The following NOA1 variants were observed in gnomAD, a reference collection of about 807,000 sequenced individuals.
NOA1 encodes nitric oxide-associated protein 1.
A neutral mutation model predicts 58.4 loss-of-function variants in NOA1; 35 were observed. The ratio of observed to expected loss-of-function variants is 0.60; its 90% CI spans 0.46 to 0.79. The LOEUF (loss-of-function observed/expected upper bound fraction) is 0.79, where lower values mean the gene tolerates loss of function less well. NOA1 is among the 30% of genes least tolerant of loss of function. The pLI, the probability that NOA1 is intolerant of heterozygous loss-of-function variation, is 0.00. For missense variants in NOA1, 895 were observed against 894.6 expected (o/e 1.00, Z -0.01); for synonymous variants, 397 against 373.4 (o/e 1.06, Z -0.73).
chr4:56,970,162 G>A (rs1026199909), intron 3 of NOA1, among the ~76,000 whole-genome samples: 2 of 151,922 alleles, frequency 1.3e-5, no homozygotes, highest in Non-Finnish European at 2.9e-5. Context: ...TAGCTGGGGT[G>A]GCGTGTGTCT....
intron 6 of NOA1, among the ~76,000 whole-genome samples, chr4:56,964,156 C>T (rs543884249): frequency 1.3e-5 from 2 of 151,644 alleles, no homozygotes; most frequent in African/African-American, 4.8e-5. Flanking sequence ...CAACCTCCGC[C>T]TCCTGGGTTC....
chr4:56,972,227 G>A (rs900091890), intron 3 of NOA1, among the ~76,000 whole-genome samples: 4 of 152,172 alleles, frequency 2.6e-5, no homozygotes, highest in African/African-American at 9.7e-5. Context: ...TGAGAGCACT[G>A]AGTTCTCAGT....
chr4:56,969,170 TA>T (rs1418165245), intron 3 of NOA1, among the ~76,000 whole-genome samples: 1 of 151,776 alleles, frequency 6.6e-6, no homozygotes, highest in African/African-American at 2.4e-5. Context: ...TAGAGAAAAA[TA>T]GAAAAGGAAA....
At chr4:56,973,518 A>C (rs1721846467) in intron 2 of NOA1, among the ~76,000 whole-genome samples, 165 bp from the exon 3 acceptor site, 1 of 151,882 alleles carries the variant, frequency 6.6e-6, no homozygotes, top group African/African-American at 2.4e-5. Flanking sequence ...GTGGGAGTCA[A>C]CTCTTGCAAT....
Position 56,963,582 on chromosome 4 carries a change from GA to G in NOA1, c.1964del (p.Val655AlafsTer35), listed in dbSNP as rs1260045101. On this transcript the variant is annotated frameshift_variant, in exon 7 of 7. Transcript: ENST00000264230. LOFTEE classifies it high-confidence loss of function. The part of the protein sequence containing the change: ...GYTPEGTVLT[V>X]RPPLLPYIVN... ...CAATATATGGCAAGAGAGGGGGCCG[GA>G]CGGTCAAAACTGTTCCTTCAGGTGT... 6.2e-7 allele frequency: 1 copy of G among 1,614,040 alleles called. No individual in the cohort carries two copies. Among genetic ancestry groups the G allele is most frequent in the East Asian group, 2.2e-5 (1 of 44,886 alleles).
chr4:56,977,160 CGAGCAGTT>C lies in NOA1; in HGVS notation c.418_425del (p.Asn140GlyfsTer214). The C allele has an allele frequency of 6.4e-7, 1 of 1,557,398 alleles. No individual in the cohort carries two copies. Among genetic ancestry groups the C allele is most frequent in the Non-Finnish European group, 8.7e-7 (1 of 1,155,444 alleles). ...GGCAGTGCAGCTCTGCCCCACAGCC[CGAGCAGTT>C]CACGCCGCTGGGCGGCAATGCCGGG... On this transcript the variant is annotated frameshift_variant, in exon 1 of 7. Transcript: ENST00000264230. LOFTEE classifies it high-confidence loss of function.
chr4:56,975,390 GGAGGAC>G (rs1721884411), intron 1 of NOA1, among the ~76,000 whole-genome samples: 3 of 151,954 alleles, frequency 2.0e-5, no homozygotes. Flanking sequence ...CAGCACTTTG[GGAGGAC>G]GAGGTGGGCA....
At chr4:56,967,453 G>A (rs547408028) in intron 4 of NOA1, among the ~76,000 whole-genome samples, 1 of 150,750 alleles carries the variant, frequency 6.6e-6, no homozygotes, top group African/African-American at 2.4e-5. Context: ...CTCCCAAAAC[G>A]AAATATATAA....
intron 4 of NOA1, 86 bp from the exon 5 acceptor site, chr4:56,966,822 A>C: frequency 1.2e-6 from 1 of 855,500 alleles, no homozygotes; most frequent in Non-Finnish European, 1.9e-6. Context: ...AAAAAAACAA[A>C]CCAAAAAACA....
At chr4:56,976,257 C>T (rs1319495394) in intron 1 of NOA1, among the ~76,000 whole-genome samples, 185 bp downstream of exon 1, 1 of 152,178 alleles carries the variant, frequency 6.6e-6, no homozygotes, top group Non-Finnish European at 1.5e-5. Context: ...ACAACACATC[C>T]TCAATTTTCC....
rs1721973738 is a variant in NOA1 at position 56,977,453 on chromosome 4, A to G, written c.133T>C (p.Ser45Pro). The part of the protein sequence containing the change: ...RCAAASSFQH[S>P]SSLGRELPYD... ...GGAAGCTCGCGTCCCAGACTCGATGAGTGCTGGAAGGAGGAGGCGGCAGCG... is the reference window on the plus strand; with the variant it reads ...GGAAGCTCGCGTCCCAGACTCGATGGGTGCTGGAAGGAGGAGGCGGCAGCG... The change falls in exon 1 of 7, where the codon TCA becomes CCA. Residue 45 changes from serine (S) to proline (P), a missense_variant. Coordinates refer to ENST00000264230, the MANE Select transcript of NOA1 (RefSeq NM_032313.4). 2.5e-6 allele frequency: 4 copies of G among 1,614,124 alleles called. No individual in the cohort carries two copies. The highest frequency in any genetic ancestry group is 3.4e-6 in the Non-Finnish European group (4 of 1,180,020).
intron 3 of NOA1, among the ~76,000 whole-genome samples, chr4:56,971,652 AT>A (rs1383743839): frequency 6.6e-6 from 1 of 152,210 alleles, no homozygotes; most frequent in Non-Finnish European, 1.5e-5. Context: ...GAAGGAAATG[AT>A]TAATGAATCT....
chr4:56,971,750 T>C (rs1560464708), intron 3 of NOA1, among the ~76,000 whole-genome samples: 2 of 152,032 alleles, frequency 1.3e-5, no homozygotes, highest in South Asian at 2.1e-4. Context: ...AGTAATGAGA[T>C]TGAATGAATA....
At chr4:56,966,790 A>G in intron 4 of NOA1, 54 bp from the exon 5 acceptor site, 1 of 1,113,260 alleles carries the variant, frequency 9.0e-7, no homozygotes, top group Non-Finnish European at 1.4e-6. Context: ...AAACCTGCAT[A>G]TTCAAGGTAC....
Position 56,977,049 on chromosome 4 carries a change from GCACACGGTCCGTGC to G in NOA1, c.523_536del (p.Ala175ProfsTer177), listed in dbSNP as rs1560466333. 4 of 1,583,740 alleles carry G rather than the reference GCACACGGTCCGTGC, an allele frequency of 2.5e-6. No individual in the cohort carries two copies. In the Admixed American group the frequency reaches 6.9e-5, roughly 27 times the overall value. On this transcript the variant is annotated frameshift_variant, in exon 1 of 7. Coordinates refer to ENST00000264230, the MANE Select transcript of NOA1 (RefSeq NM_032313.4). LOFTEE classifies it high-confidence loss of function. Reference sequence around the variant, plus strand: ...GGTGCGACAGCAGCCAGCAGCGCTGGCACACGGTCCGTGCCAGCCCGCCGTCTGCCTCCGCCGTG... The same window carrying G: ...GGTGCGACAGCAGCCAGCAGCGCTGGCAGCCCGCCGTCTGCCTCCGCCGTG...
Position 56,977,479 on chromosome 4 carries a change from C to T in NOA1, c.107G>A (p.Cys36Tyr). 2 of 1,613,924 alleles carry T rather than the reference C, an allele frequency of 1.2e-6. No individual in the cohort carries two copies. The highest frequency in any genetic ancestry group is 1.7e-6 in the Non-Finnish European group (2 of 1,180,032). ...GLREPLLERR[C>Y]AAASSFQHSS... is the part of the protein sequence containing the mutation. ...GTGCTGGAAGGAGGAGGCGGCAGCG[C>T]ACCTCCTCTCCAGGAGCGGCTCCCG... Residue 36 changes from cysteine (C) to tyrosine (Y), a missense_variant, in exon 1 of 7, where the codon TGC becomes TAC. By Grantham distance (194) the Cys-to-Tyr change is radical. This residue lies in a region of NOA1 where 680 missense variants were observed against 656.5 expected (regional missense o/e 1.04). Transcript: ENST00000264230.
At position 56,976,900 on chromosome 4, in the gene NOA1, G is replaced by A; in HGVS notation, c.686C>T (p.Ala229Val). ...YMVDLLDLPDALLPDLPALVG... is the reference protein window; with the variant it reads ...YMVDLLDLPDVLLPDLPALVG... ...CAGCGCGGGCAAGTCGGGCAGCAGG[G>A]CGTCGGGCAGGTCCAGCAGGTCCAC... The change falls in exon 1 of 7, where the codon GCC becomes GTC. Residue 229 changes from alanine (A) to valine (V), a missense_variant. Transcript: ENST00000264230. 5 of 1,612,534 alleles carry A rather than the reference G, an allele frequency of 3.1e-6. No individual in the cohort carries two copies. Among genetic ancestry groups the A allele is most frequent in the Non-Finnish European group, 4.2e-6 (5 of 1,179,830 alleles).
Position 56,966,683 on chromosome 4 carries a change from A to G in NOA1, c.1701T>C (p.His567=), listed in dbSNP as rs1721717128. 6.2e-7 allele frequency: 1 copy of G among 1,614,022 alleles called. No individual in the cohort carries two copies. The highest frequency in any genetic ancestry group is 8.5e-7 in the Non-Finnish European group (1 of 1,179,878). The change falls in exon 5 of 7, where the codon CAT becomes CAC. Residue 567 remains histidine (H), a synonymous_variant. Coordinates refer to ENST00000264230, the MANE Select transcript of NOA1 (RefSeq NM_032313.4). ...CGTCTGCCCTGTCCAAGGAGGTGAT[A>G]TGCACAGGGAGGATGTTGGAAGCCA... The part of the protein sequence containing the change: ...TVVASNILPV[H]ITSLDRADAL...
At position 56,963,596 on chromosome 4, in the gene NOA1, T is replaced by C; in HGVS notation, c.1951A>G (p.Thr651Ala). 1 of 1,614,194 alleles carries C rather than the reference T, an allele frequency of 6.2e-7. No homozygotes were observed. The highest frequency in any genetic ancestry group is 1.3e-5 in the African/African-American group (1 of 75,052). Residue 651 changes from threonine (T) to alanine (A), a missense_variant, in exon 7 of 7, where the codon ACA becomes GCA. By Grantham distance (58) the Thr-to-Ala change is moderately conservative. Transcript: ENST00000264230. ...AGAGGGGGCCGGACGGTCAAAACTG[T>C]TCCTTCAGGTGTATAGCCTCGGAGA... ...LHLRGYTPEG[T>A]VLTVRPPLLP...
Sources: gnomAD v4.1 joint callset for allele counts (sites outside exome capture counted in the v4.1 genomes callset) on GRCh38, gnomAD v4.1.1 for gene constraint, gnomAD v4.1.1 regional missense constraint, MANE v1.5 for transcripts, NCBI Gene and HGNC (gene_info 2026-07-23, HGNC 2026-07-21) for gene names.